MAF: variants seen among roughly 807,000 people sequenced by gnomAD.
MAF encodes transcription factor Maf.
Under a neutral mutation model 22.0 loss-of-function variants are expected in MAF, and 10 were observed. The ratio of observed to expected loss-of-function variants is 0.45; its 90% CI spans 0.28 to 0.77. The LOEUF (loss-of-function observed/expected upper bound fraction) is 0.77. Among genes scored for constraint, MAF ranks in the 30% least tolerant of loss-of-function variants. The probability of loss-of-function intolerance (pLI) is 0.12; values close to 1 mark genes in which losing one functional copy is unlikely to be tolerated. For synonymous variants in MAF, 337 were observed against 255.8 expected (o/e 1.32, Z -3.03); for missense variants, 544 against 548.4 (o/e 0.99, Z 0.08).
the MAF span, among the ~76,000 whole-genome samples, chr16:79,306,493 G>C: frequency 5.9e-5 from 9 of 152,216 alleles, no homozygotes; most frequent in South Asian, 6.2e-4. Context: ...TGGTAGAGAG[G>C]AAGAGAGGTT....
the MAF span, among the ~76,000 whole-genome samples, chr16:79,417,599 C>G: frequency 9.1e-4 from 138 of 152,096 alleles, no homozygotes; most frequent in East Asian, 0.026. Flanking sequence ...CTGGGGCGAG[C>G]AGAGGTTTGG....
the MAF span, among the ~76,000 whole-genome samples, chr16:79,280,223 ACT>A: frequency 6.6e-6 from 1 of 152,302 alleles, no homozygotes; most frequent in African/African-American, 2.4e-5. Flanking sequence ...AGCAGAAGTC[ACT>A]CTATAATTGG....
the MAF span, among the ~76,000 whole-genome samples, chr16:79,314,890 C>G: frequency 6.6e-6 from 1 of 152,176 alleles, no homozygotes; most frequent in Non-Finnish European, 1.5e-5. Flanking sequence ...CGGTGGGACA[C>G]TTGGGCTTCT....
chr16:79,314,491 T>A, the MAF span, among the ~76,000 whole-genome samples: 2 of 151,976 alleles, frequency 1.3e-5, no homozygotes, highest in African/African-American at 4.8e-5. Flanking sequence ...CTCTCAGGGG[T>A]CAGCTTTCCC....
At chr16:79,451,886 A>G in the MAF span, among the ~76,000 whole-genome samples, 1 of 152,176 alleles carries the variant, frequency 6.6e-6, no homozygotes, top group African/African-American at 2.4e-5. Context: ...TTCATTTCAA[A>G]CTAGGTAGAG....
chr16:79,517,874 T>C, the MAF span, among the ~76,000 whole-genome samples: 142,818 of 152,240 alleles, frequency 0.94, 67,710 homozygotes, highest in East Asian at 1. Context: ...CGCTTTTGGC[T>C]TAGTCAGCCT....
the MAF span, among the ~76,000 whole-genome samples, chr16:79,487,047 T>G: frequency 6.6e-6 from 1 of 152,122 alleles, no homozygotes; most frequent in South Asian, 2.1e-4. Flanking sequence ...AGGCCTAAAG[T>G]TCCACTCCTT....
chr16:79,222,662 A>C, the MAF span, among the ~76,000 whole-genome samples: 1 of 152,226 alleles, frequency 6.6e-6, no homozygotes, highest in Admixed American at 6.5e-5. Flanking sequence ...AATAGGCTCA[A>C]AATAAAGAGA....
At chr16:79,510,716 G>A in the MAF span, among the ~76,000 whole-genome samples, 2 of 152,310 alleles carry the variant, frequency 1.3e-5, no homozygotes, top group East Asian at 3.9e-4. Flanking sequence ...CACATCGAAT[G>A]CTCTGCTGTA....
the MAF span, among the ~76,000 whole-genome samples, chr16:79,249,386 T>C: frequency 7.2e-6 from 1 of 139,318 alleles, no homozygotes. Flanking sequence ...GCCACTGCAC[T>C]CCAGCCTGGG....
chr16:79,477,770 G>C, the MAF span, among the ~76,000 whole-genome samples: 139 of 152,088 alleles, frequency 9.1e-4, no homozygotes, highest in African/African-American at 3.2e-3. Context: ...TGTTGCCCAG[G>C]CTGGAGTGCA....
chr16:79,401,495 A>C, the MAF span, among the ~76,000 whole-genome samples: 2 of 152,162 alleles, frequency 1.3e-5, no homozygotes, highest in Non-Finnish European at 2.9e-5. Context: ...AATACACTTC[A>C]TATATTTTAT....
the MAF span, among the ~76,000 whole-genome samples, chr16:79,569,152 G>C: frequency 1.3e-5 from 2 of 152,176 alleles, no homozygotes; most frequent in African/African-American, 4.8e-5. Context: ...GTTTAAACCA[G>C]AGTTTCTCAG....
chr16:79,589,605 T>G (rs943115553), downstream of MAF, among the ~76,000 whole-genome samples: 1 of 151,782 alleles, frequency 6.6e-6, no homozygotes, highest in African/African-American at 2.4e-5. Context: ...CGCGATCGGG[T>G]GGAGTGAGGG....
the MAF span, among the ~76,000 whole-genome samples, chr16:79,551,372 C>T: frequency 3.3e-5 from 5 of 152,290 alleles, no homozygotes; most frequent in African/African-American, 1.2e-4. Context: ...CACTTTCCTT[C>T]TTGAATTGTT....
downstream of MAF, among the ~76,000 whole-genome samples, chr16:79,592,869 C>T (rs1309955176): frequency 4.6e-5 from 7 of 152,162 alleles, no homozygotes; most frequent in Admixed American, 6.5e-5. Flanking sequence ...GACAGTGAAT[C>T]GTAGTGGGGA....
chr16:79,424,821 C>A, the MAF span, among the ~76,000 whole-genome samples: 3 of 152,132 alleles, frequency 2.0e-5, no homozygotes, highest in African/African-American at 7.2e-5. Flanking sequence ...CATGTTCTAG[C>A]CAATTTGTTG....
chr16:79,404,414 G>A, the MAF span, among the ~76,000 whole-genome samples: 1 of 151,980 alleles, frequency 6.6e-6, no homozygotes, highest in East Asian at 1.9e-4. Flanking sequence ...TGCCCGCCTT[G>A]GCCTCCCAAA....
the MAF span, among the ~76,000 whole-genome samples, chr16:79,342,313 C>A: frequency 1.3e-5 from 2 of 152,184 alleles, no homozygotes; most frequent in Non-Finnish European, 2.9e-5. Context: ...TGCTCTCCAG[C>A]GTCTTTGGGG....
Sources: allele counts gnomAD v4.1 joint callset (sites outside exome capture counted in the v4.1 genomes callset), GRCh38; gene constraint gnomAD v4.1.1; transcripts MANE v1.5; gene names NCBI Gene and HGNC (gene_info 2026-07-23, HGNC 2026-07-21).